ELMO1: variants seen among roughly 807,000 people sequenced by gnomAD.
ELMO1 encodes engulfment and cell motility protein 1.
In ELMO1, 26 loss-of-function variants were observed where a neutral mutation model predicts 98.9. The ratio of observed to expected loss-of-function variants is 0.26; its 90% CI spans 0.19 to 0.36. The LOEUF (loss-of-function observed/expected upper bound fraction) is 0.36. Ranked by LOEUF, ELMO1 falls within the 10% of genes least tolerant of loss-of-function variation. ELMO1 has a pLI of 1.00. For synonymous variants in ELMO1, 346 were observed against 346.0 expected (o/e 1.00, Z 0.00); for missense variants, 627 against 935.2 (o/e 0.67, Z 4.30).
chr7:37,162,475 A>C (rs909600268), intron 13 of ELMO1, among the ~76,000 whole-genome samples: 1 of 152,212 alleles, frequency 6.6e-6, no homozygotes, highest in African/African-American at 2.4e-5. Flanking sequence ...CAGGCTCAGC[A>C]ATCTACTTTT....
In ELMO1 at chr7:37,079,490, A is replaced by T. The variant is rs564257540; in HGVS notation, c.1300+17129T>A. On this transcript the variant is annotated intron_variant, in intron 15 of 21. Coordinates refer to ENST00000310758, the MANE Select transcript of ELMO1 (RefSeq NM_014800.11). ...AGCCTCCTCTTCACTATCTCCTCAC[A>T]GCCATCAGTGGCCCACACTGAGCAG... Among the ~76,000 whole-genome samples the T allele has an allele frequency of 2.0e-5, 3 of 152,304 alleles. No individual in the cohort carries two copies. The East Asian group carries it at 5.8e-4, about 29-fold the overall frequency.
At chr7:36,963,993 A>G (rs963912054) in intron 16 of ELMO1, among the ~76,000 whole-genome samples, 1 of 152,176 alleles carries the variant, frequency 6.6e-6, no homozygotes, top group African/African-American at 2.4e-5. Flanking sequence ...ATGAAAACTA[A>G]TATTTGTATC....
chr7:37,342,670 G>A lies in ELMO1; in HGVS notation c.21C>T (p.Ile7=), dbSNP rs758092021. 3.1e-6 allele frequency: 5 copies of A among 1,611,508 alleles called. No homozygotes were observed. In the South Asian group the frequency reaches 4.4e-5, roughly 14 times the overall value. The part of the protein sequence containing the change: MPPPAD[I]VKVAIEWPGA... ...CCGGCCATTCTATGGCCACCTTGACGATGTCCGCGGGTGGCGGCATTGTAA... is the reference window on the plus strand; with the variant it reads ...CCGGCCATTCTATGGCCACCTTGACAATGTCCGCGGGTGGCGGCATTGTAA... Residue 7 remains isoleucine (I), a synonymous_variant, in exon 2 of 22, where the codon ATC becomes ATT. Coordinates refer to ENST00000310758, the MANE Select transcript of ELMO1 (RefSeq NM_014800.11). The surrounding 1 kb of genome is among the most constrained non-coding windows in gnomAD (Gnocchi z 4.3).
chr7:37,084,114 T>C (rs764832303), intron 15 of ELMO1, among the ~76,000 whole-genome samples: 18 of 152,234 alleles, frequency 1.2e-4, no homozygotes, highest in Middle Eastern at 3.4e-3. Context: ...TACTGTAGTG[T>C]TGATATTTTC....
At position 37,063,271 on chromosome 7, in the gene ELMO1, A is replaced by G. The variant is rs1156518512; in HGVS notation, c.1300+33348T>C. ...CCAAGTATGACTGTATTACCTGAGG[A>G]GGGCTGTAGGTTGTATTTTAAATCA... On this transcript the variant is annotated intron_variant, in intron 15 of 21. Coordinates refer to ENST00000310758, the MANE Select transcript of ELMO1 (RefSeq NM_014800.11). 2.0e-5 allele frequency among the ~76,000 whole-genome samples: 3 copies of G among 152,192 alleles called. No individual in the cohort carries two copies. The South Asian group carries it at 6.2e-4, about 32-fold the overall frequency.
chr7:37,438,309 CG>C (rs1562692506), intron 1 of ELMO1, among the ~76,000 whole-genome samples: 2 of 151,700 alleles, frequency 1.3e-5, no homozygotes, highest in African/African-American at 4.8e-5. Flanking sequence ...TGAATCGGGC[CG>C]GGCGCGGTGG....
chr7:37,287,333 A>G (rs1412643727), intron 4 of ELMO1, among the ~76,000 whole-genome samples: 1 of 152,230 alleles, frequency 6.6e-6, no homozygotes, highest in East Asian at 1.9e-4. Flanking sequence ...TGTGATATGT[A>G]AATAAATGGG....
At chr7:37,259,112 G>T in intron 6 of ELMO1, 69 bp downstream of exon 6, 3 of 1,515,314 alleles carry the variant, frequency 2.0e-6, no homozygotes, top group South Asian at 2.6e-5. Flanking sequence ...CAAGTGTAAG[G>T]CATGTAACAA....
intron 4 of ELMO1, among the ~76,000 whole-genome samples, chr7:37,285,763 G>C (rs1301996757): frequency 6.6e-6 from 1 of 152,176 alleles, no homozygotes; most frequent in African/African-American, 2.4e-5. Context: ...TTCCAGGGGA[G>C]AAGCAATCTC....
At chr7:36,856,712 C>T (rs918329382) in intron 21 of ELMO1, among the ~76,000 whole-genome samples, 2 of 152,184 alleles carry the variant, frequency 1.3e-5, no homozygotes, top group Non-Finnish European at 2.9e-5. Context: ...GAAAGAGGCA[C>T]CCCTGATGCC....
intron 13 of ELMO1, among the ~76,000 whole-genome samples, chr7:37,164,072 A>G (rs531706533): frequency 8.5e-5 from 13 of 152,228 alleles, no homozygotes; most frequent in East Asian, 3.9e-4. Flanking sequence ...TTTGATTTGC[A>G]TTTCTCTGAT....
chr7:37,222,827 A>C (rs1793670285), intron 9 of ELMO1, 134 bp from the exon 10 acceptor site: 1 of 718,120 alleles, frequency 1.4e-6, no homozygotes, highest in African/African-American at 1.8e-5. Context: ...AGGGCCTAGA[A>C]AATGCATTTT....
intron 16 of ELMO1, among the ~76,000 whole-genome samples, chr7:36,938,710 C>T (rs942660606): frequency 2.6e-5 from 4 of 152,170 alleles, no homozygotes; most frequent in African/African-American, 7.2e-5. Context: ...GCCTTTATTA[C>T]AGTTTCTTCA....
chr7:37,002,268 CATGCACATCT>C (rs1258024539), intron 16 of ELMO1: 2 of 152,360 alleles, frequency 1.3e-5, no homozygotes, highest in East Asian at 3.9e-4. Flanking sequence ...GTTTCACATC[CATGCACATCT>C]CAACTGGCCC....
intron 2 of ELMO1, among the ~76,000 whole-genome samples, chr7:37,328,197 C>T (rs1799917322): frequency 6.6e-6 from 1 of 151,984 alleles, no homozygotes; most frequent in South Asian, 2.1e-4. Context: ...AGCCTGGCCA[C>T]ATGGCAAAAC....
chr7:36,875,516 C>T (rs1236371127), intron 19 of ELMO1, among the ~76,000 whole-genome samples: 2 of 152,164 alleles, frequency 1.3e-5, no homozygotes, highest in Non-Finnish European at 2.9e-5. Flanking sequence ...CTCTTTGGAA[C>T]TTCATTTCAG....
At chr7:37,128,358 C>G (rs1786671624) in intron 14 of ELMO1, among the ~76,000 whole-genome samples, 3 of 152,192 alleles carry the variant, frequency 2.0e-5, no homozygotes, top group Admixed American at 6.5e-5. Flanking sequence ...ATTGAGACAG[C>G]CTTGTACCAT....
intron 10 of ELMO1, among the ~76,000 whole-genome samples, chr7:37,220,384 G>A (rs1235446924): frequency 1.3e-5 from 2 of 152,118 alleles, no homozygotes; most frequent in African/African-American, 4.8e-5. Context: ...AATTTCTGCT[G>A]AATTATATAC....
chr7:37,200,905 T>C (rs1027352355), intron 13 of ELMO1, among the ~76,000 whole-genome samples: 1 of 150,256 alleles, frequency 6.7e-6, no homozygotes, highest in African/African-American at 2.5e-5. Context: ...ATCGCACCAC[T>C]GCACTCCAGC....
Sources: allele counts gnomAD v4.1 joint callset (sites outside exome capture counted in the v4.1 genomes callset), GRCh38; gene constraint gnomAD v4.1.1; non-coding constraint Gnocchi (gnomAD v3.1); transcripts MANE v1.5; gene names NCBI Gene and HGNC (gene_info 2026-07-23, HGNC 2026-07-21).